FAT1: variants seen among roughly 807,000 people sequenced by gnomAD.
FAT1 encodes protocadherin Fat 1.
FAT1 carries 171 observed loss-of-function variants against 329.8 expected under a neutral mutation model. The observed-to-expected ratio is 0.52, with a 90% CI of 0.46 to 0.59. FAT1 has a LOEUF of 0.59. FAT1 is among the 20% of genes least tolerant of loss of function. The probability of loss-of-function intolerance (pLI) is 0.00; values close to 1 mark genes in which losing one functional copy is unlikely to be tolerated. For missense variants in FAT1, 5,672 were observed against 5,774.4 expected (o/e 0.98, Z 0.57); for synonymous variants, 2,233 against 2,228.6 (o/e 1.00, Z -0.06).
In FAT1 at chr4:186,597,741, T is replaced by A. The variant is rs969118045; in HGVS notation, c.12309A>T (p.Thr4103=). ...CKDEPCKNGG[T]CFDSLDGAVC... is the part of the protein sequence containing the mutation. ...CGGCGCCATCCAAACTGTCAAAGCA[T>A]GTTCCGCCATTCTTACAGGGTTCAT... Residue 4103 remains threonine, a synonymous_variant, in exon 24 of 27, where the codon ACA becomes ACT. Coordinates refer to ENST00000441802, the MANE Select transcript of FAT1 (RefSeq NM_005245.4). 1 of 1,613,972 alleles carries A rather than the reference T, an allele frequency of 6.2e-7. No individual in the cohort carries two copies. The highest frequency in any genetic ancestry group is 8.5e-7 in the Non-Finnish European group (1 of 1,179,892).
At position 186,588,578 on chromosome 4, in the gene FAT1, G is replaced by T. The variant is rs543578964; in HGVS notation, c.*14C>A. On this transcript the variant is annotated 3_prime_UTR_variant, in exon 27 of 27. Transcript: ENST00000441802. ...AGGTTCACTAAAGTCAGGCACTTTG[G>T]GGGGAGTTGAGAGTCAGACTTCCGT... 1.6e-4 allele frequency: 254 copies of T among 1,600,546 alleles called. No individual in the cohort carries two copies. The African/African-American group carries it at 2.4e-3, about 15-fold the overall frequency.
At chr4:186,633,620 A>C in intron 7 of FAT1, 64 bp downstream of exon 7, 6 of 1,584,320 alleles carry the variant, frequency 3.8e-6, no homozygotes, top group Non-Finnish European at 5.2e-6. Context: ...TTGCCCGTGG[A>C]CCCCTAAGTC....
In FAT1 at chr4:186,708,454, GC is replaced by G; in HGVS notation, c.1373del (p.Ser458ThrfsTer26). 6.2e-7 allele frequency: 1 copy of G among 1,614,014 alleles called. No homozygotes were observed. Among genetic ancestry groups the G allele is most frequent in the Non-Finnish European group, 8.5e-7 (1 of 1,179,896 alleles). The part of the protein sequence containing the change: ...KVLVKVLGAN[S>X]NPPEFTQTAY... The stretch of plus-strand genomic sequence containing the variant: ...CTGTCTGGGTAAATTCAGGGGGATT[GC>G]TATTTGCACCTAAGACTTTCACCAA... On this transcript the variant is annotated frameshift_variant, in exon 2 of 27. Coordinates refer to ENST00000441802, the MANE Select transcript of FAT1 (RefSeq NM_005245.4). LOFTEE classifies it high-confidence loss of function.
chr4:186,705,906 TCCC>T (rs970077197), intron 2 of FAT1, among the ~76,000 whole-genome samples: 4 of 152,186 alleles, frequency 2.6e-5, no homozygotes, highest in Non-Finnish European at 4.4e-5. Context: ...TTTCTAAGTG[TCCC>T]CATGTAGAAG....
intron 2 of FAT1, among the ~76,000 whole-genome samples, chr4:186,682,541 A>G (rs1388375457): frequency 6.6e-6 from 1 of 151,910 alleles, no homozygotes; most frequent in South Asian, 2.1e-4. Context: ...AAAAAAAAAA[A>G]AAAGAAAGTT....
At chr4:186,611,827 C>CTTT in intron 13 of FAT1, 52 bp from the exon 14 acceptor site, 49 of 1,170,130 alleles carry the variant, frequency 4.2e-5, no homozygotes, top group Admixed American at 5.7e-5. Context: ...AAGTTTAACA[C>CTTT]TTTTTTTTTT....
chr4:186,629,795 T>G (rs990592649), intron 7 of FAT1, among the ~76,000 whole-genome samples: 2 of 152,168 alleles, frequency 1.3e-5, no homozygotes, highest in African/African-American at 4.8e-5. Flanking sequence ...TTGTATGAAT[T>G]CCAGATGCAT....
chr4:186,709,054 T>G lies in FAT1; in HGVS notation c.774A>C (p.Thr258=). The change falls in exon 2 of 27, where the codon ACA becomes ACC. Residue 258 remains threonine (T), a synonymous_variant. Transcript: ENST00000441802. ...EQANECAPVI[T]AVTLSPSELD... ...GTTCTGATGGTGACAATGTCACTGC[T>G]GTTATCACCGGAGCACATTCATTGG... is the stretch of plus-strand genomic sequence containing the variant. 1 of 1,613,994 alleles carries G rather than the reference T, an allele frequency of 6.2e-7. No homozygotes were observed.
rs2126692085 is a variant in FAT1 at position 186,707,885 on chromosome 4, G to C, written c.1943C>G (p.Thr648Arg). 2 of 1,613,924 alleles carry C rather than the reference G, an allele frequency of 1.2e-6. No homozygotes were observed. Among genetic ancestry groups the C allele is most frequent in the Non-Finnish European group, 1.7e-6 (2 of 1,179,892 alleles). ...VSFHSLRITA[T>R]DGENFATPLY... ...TGGTGTGGCAAAATTTTCTCCATCT[G>C]TAGCTGTGATTCTCAGACTGTGGAA... Residue 648 changes from threonine (T) to arginine (R), a missense_variant, in exon 2 of 27, where the codon ACA (threonine) becomes AGA (arginine). Physicochemically the swap from Thr to Arg is moderately conservative, Grantham distance 71. Transcript: ENST00000441802.
At chr4:186,672,832 G>C (rs1394039266) in intron 2 of FAT1, among the ~76,000 whole-genome samples, 1 of 152,144 alleles carries the variant, frequency 6.6e-6, no homozygotes, top group African/African-American at 2.4e-5. Flanking sequence ...AGATTAAGGG[G>C]CAACTGAACA....
rs375803854 is a variant in FAT1, at chr4:186,603,009, A to G, written c.11376T>C (p.His3792=). ...CKEGRCPPVH[H]GCEDDPCPEG... ...CAGGGCACGGATCATCTTCACAGCC[A>G]TGGTGGACAGGTGGGCACCTTCCCT... The change falls in exon 20 of 27, where the codon CAT becomes CAC. Residue 3792 remains histidine (H), a synonymous_variant. Transcript: ENST00000441802. 7.4e-6 allele frequency: 12 copies of G among 1,613,888 alleles called. No individual in the cohort carries two copies. Among genetic ancestry groups the G allele is most frequent in the Non-Finnish European group, 1.0e-5 (12 of 1,179,894 alleles).
At chr4:186,710,418 G>A (rs1744896885) in intron 1 of FAT1, among the ~76,000 whole-genome samples, 1 of 152,162 alleles carries the variant, frequency 6.6e-6, no homozygotes, top group Admixed American at 6.5e-5. Flanking sequence ...TTCTGTATAA[G>A]AATGGTTAAG....
chr4:186,670,114 A>G (rs1043130611), intron 2 of FAT1, among the ~76,000 whole-genome samples: 4 of 152,308 alleles, frequency 2.6e-5, no homozygotes, highest in African/African-American at 7.2e-5. Context: ...GAATTTTCCT[A>G]TTTTAACAGG....
At chr4:186,686,286 ATTC>A (rs1743465782) in intron 2 of FAT1, among the ~76,000 whole-genome samples, 4 of 140,798 alleles carry the variant, frequency 2.8e-5, no homozygotes. Flanking sequence ...TTTTTCCTGC[ATTC>A]TTCCTCCACA....
chr4:186,717,739 T>C (rs1745282304), intron 1 of FAT1, among the ~76,000 whole-genome samples: 1 of 152,230 alleles, frequency 6.6e-6, no homozygotes, highest in South Asian at 2.1e-4. Context: ...AGTTGTTCTG[T>C]GCTCCTGGGA....
At chr4:186,688,738 A>G (rs373885672) in intron 2 of FAT1, among the ~76,000 whole-genome samples, 3 of 149,536 alleles carry the variant, frequency 2.0e-5, no homozygotes, top group African/African-American at 7.4e-5. Flanking sequence ...ATATTTACTT[A>G]AGCTTCAGTC....
rs1739456807 is a variant in FAT1, at chr4:186,611,723, G to A, written c.9516C>T (p.Phe3172=). 1 of 1,591,220 alleles carries A rather than the reference G, an allele frequency of 6.3e-7. No homozygotes were observed. The highest frequency in any genetic ancestry group is 8.6e-7 in the Non-Finnish European group (1 of 1,167,728). ...YSLIDSADGQ[F]SINELSGIIQ... ...TAATTCCAGATAATTCGTTAATGGA[G>A]AACTGCCCATCAGCAGAGTCAATCA... The change falls in exon 14 of 27, where the codon TTC becomes TTT. Residue 3172 remains phenylalanine, a synonymous_variant. Transcript: ENST00000441802.
At chr4:186,590,902 G>A (rs1027346748) in intron 26 of FAT1, among the ~76,000 whole-genome samples, 1 of 152,196 alleles carries the variant, frequency 6.6e-6, no homozygotes, top group Non-Finnish European at 1.5e-5. Context: ...AGATGTACAA[G>A]CTGAAGATCT....
At chr4:186,653,336 C>T (rs1453353791) in intron 3 of FAT1, among the ~76,000 whole-genome samples, 1 of 152,148 alleles carries the variant, frequency 6.6e-6, no homozygotes, top group African/African-American at 2.4e-5. Flanking sequence ...CTTGCAAAAT[C>T]GTATCTGAGA....
Sources: gnomAD v4.1 joint callset for allele counts (sites outside exome capture counted in the v4.1 genomes callset) on GRCh38, gnomAD v4.1.1 for gene constraint, MANE v1.5 for transcripts, NCBI Gene and HGNC (gene_info 2026-07-23, HGNC 2026-07-21) for gene names.